The following SEMA4D variants were observed in gnomAD, a reference collection of about 807,000 sequenced individuals.
SEMA4D encodes the protein semaphorin 4D.
In SEMA4D, 22 loss-of-function variants were observed where a neutral mutation model predicts 74.8. That is an observed-to-expected ratio of 0.29 (90% confidence interval 0.21 to 0.42). The LOEUF is 0.42. Among genes scored for constraint, SEMA4D ranks in the 10% least tolerant of loss-of-function variants. The pLI, the probability that SEMA4D is intolerant of heterozygous loss-of-function variation, is 1.00. For missense variants in SEMA4D, 937 were observed against 1,118.4 expected (o/e 0.84, Z 2.31); for synonymous variants, 445 against 463.7 (o/e 0.96, Z 0.52).
In SEMA4D at chr9:89,379,219, A is replaced by C. The variant is rs1333799095; in HGVS notation, c.2074T>G (p.Ser692Ala). The C allele has an allele frequency of 6.2e-7, 1 of 1,613,758 alleles. No homozygotes were observed. The highest frequency in any genetic ancestry group is 1.3e-5 in the African/African-American group (1 of 74,856). The change falls in exon 16 of 16, where the codon TCC becomes GCC. Residue 692 changes from serine to alanine, a missense_variant. Transcript: ENST00000422704. ...PPTPAVQATS[S>A]GAITLPPKPA... ...TTGGGAGGAAGGGTGATGGCCCCGG[A>C]GGAGGTGGCCTGCACGGCTGGGGTT...
intron 2 of SEMA4D, among the ~76,000 whole-genome samples, chr9:89,442,199 G>A (rs569222222): frequency 6.9e-4 from 99 of 143,402 alleles, no homozygotes; most frequent in African/African-American, 2.5e-3. Flanking sequence ...GTACGGCCCA[G>A]GTCAAGGTCA....
chr9:89,484,748 G>C lies in SEMA4D; in HGVS notation c.-310+13171C>G, dbSNP rs1030547119. ...TGTGTTATGTGTGTGTGGTGTGGCA[G>C]GTATGTGTGAAGTGTGTGGTATGGG... On this transcript the variant is annotated intron_variant, in intron 1 of 15. Coordinates refer to ENST00000422704, the MANE Select transcript of SEMA4D (RefSeq NM_001371194.2). This position sits in a 1 kb window ranked among gnomAD's most constrained non-coding sequence, Gnocchi z 4.1. Among the ~76,000 whole-genome samples the C allele has an allele frequency of 6.6e-6, 1 of 150,912 alleles. No individual in the cohort carries two copies. Among genetic ancestry groups the C allele is most frequent in the Non-Finnish European group, 1.5e-5 (1 of 67,618 alleles).
intron 2 of SEMA4D, among the ~76,000 whole-genome samples, chr9:89,434,005 C>T (rs550279556): frequency 6.6e-6 from 1 of 152,338 alleles, no homozygotes; most frequent in East Asian, 1.9e-4. Flanking sequence ...TCACACATAG[C>T]ACTTGGCATG....
At position 89,388,645 on chromosome 9, in the gene SEMA4D, C is replaced by G. The variant is rs997165686; in HGVS notation, c.1098G>C (p.Arg366=). Residue 366 remains arginine, a synonymous_variant, in exon 11 of 16, where the codon CGG becomes CGC. Coordinates refer to ENST00000422704, the MANE Select transcript of SEMA4D (RefSeq NM_001371194.2). ...VRYNGPVPKP[R]PGACIDSEAR... is the part of the protein sequence containing the mutation. ...CAGTGCCCCAGCTCACCGCTCCAGG[C>G]CGCGGCTTGGGTACCGGGCCATTAT... 1 of 1,599,212 alleles carries G rather than the reference C, an allele frequency of 6.3e-7. No individual in the cohort carries two copies. Among genetic ancestry groups the G allele is most frequent in the African/African-American group, 1.3e-5 (1 of 74,500 alleles).
rs751996900 is a variant in SEMA4D at position 89,405,501 on chromosome 9, C to A, written c.-45G>T. 4.6e-5 allele frequency: 74 copies of A among 1,607,036 alleles called. 1 individual carries two copies. Among genetic ancestry groups the A allele is most frequent in the Admixed American group, 1.7e-4 (10 of 59,752 alleles). On this transcript the variant is annotated 5_prime_UTR_variant, in exon 3 of 16. Coordinates refer to ENST00000422704, the MANE Select transcript of SEMA4D (RefSeq NM_001371194.2). ...GGGCTTCAGCAGCAAAGGCTCACGG[C>A]AGCAGGTGGCCGGGCAGGTGTGCTA... is the stretch of plus-strand genomic sequence containing the variant.
At chr9:89,446,835 C>A (rs1587955920) in intron 2 of SEMA4D, among the ~76,000 whole-genome samples, 1 of 152,188 alleles carries the variant, frequency 6.6e-6, no homozygotes, top group South Asian at 2.1e-4. Flanking sequence ...CCACGCTGCA[C>A]CCAGGCCTCA....
At chr9:89,370,876 GGTGT>G (rs910827197) in intron 16 of SEMA4D, among the ~76,000 whole-genome samples, 1 of 143,492 alleles carries the variant, frequency 7.0e-6, no homozygotes, top group Non-Finnish European at 1.5e-5. Flanking sequence ...TGGCGTGTGG[GGTGT>G]GTGTCTGGGA....
chr9:89,478,761 CCTCCACCCCA>C lies in SEMA4D; in HGVS notation c.-310+19148_-310+19157del, dbSNP rs963637835. Among the ~76,000 whole-genome samples, 15 of 139,762 alleles carry C rather than the reference CCTCCACCCCA, an allele frequency of 1.1e-4. 1 individual carries two copies. Among genetic ancestry groups the C allele is most frequent in the Admixed American group, 8.6e-4 (12 of 13,980 alleles). The allele number at this position is 139,762 out of a possible 152,430, so 91.7% of individuals were successfully genotyped here. A position where few individuals can be genotyped will look rare whatever the true frequency, so the allele number is the denominator to read the frequency against. On this transcript the variant is annotated intron_variant, in intron 1 of 15. Coordinates refer to ENST00000422704, the MANE Select transcript of SEMA4D (RefSeq NM_001371194.2). Reference sequence around the variant, plus strand: ...AACCTGAGTCCTATGGCCCCCTCATCCTCCACCCCACCCCACCCCACCCCAAGGCCCTTCC... The same window carrying C: ...AACCTGAGTCCTATGGCCCCCTCATCCCCCACCCCACCCCAAGGCCCTTCC...
intron 1 of SEMA4D, among the ~76,000 whole-genome samples, chr9:89,470,497 C>T (rs989195746): frequency 2.0e-5 from 3 of 152,190 alleles, no homozygotes; most frequent in African/African-American, 7.2e-5. Flanking sequence ...GGTAAGGGTA[C>T]ACAGTGATGT....
intron 1 of SEMA4D, among the ~76,000 whole-genome samples, chr9:89,460,112 T>C (rs570162395): frequency 3.9e-5 from 6 of 152,284 alleles, no homozygotes; most frequent in South Asian, 2.1e-4. Context: ...AGTGGCACGA[T>C]GCATCCCCCG....
At chr9:89,457,207 G>A (rs943610040) in intron 1 of SEMA4D, among the ~76,000 whole-genome samples, 3 of 152,198 alleles carry the variant, frequency 2.0e-5, no homozygotes, top group African/African-American at 4.8e-5. Context: ...GGAGCAACCA[G>A]AGCCTGTGAT....
intron 2 of SEMA4D, among the ~76,000 whole-genome samples, chr9:89,422,377 G>C (rs1389098507): frequency 6.6e-6 from 1 of 152,238 alleles, no homozygotes; most frequent in East Asian, 1.9e-4. Context: ...GGGGAGGGCA[G>C]GCCACAGCAA....
intron 1 of SEMA4D, among the ~76,000 whole-genome samples, chr9:89,491,095 G>A (rs1008702711): frequency 1.3e-5 from 2 of 152,178 alleles, no homozygotes; most frequent in African/African-American, 2.4e-5. Context: ...CATAATTCAT[G>A]TCAATAAAAC....
intron 9 of SEMA4D, among the ~76,000 whole-genome samples, chr9:89,389,268 A>C (rs1015779248): frequency 2.6e-5 from 4 of 152,162 alleles, no homozygotes; most frequent in African/African-American, 9.7e-5. Flanking sequence ...GTTAACACAC[A>C]AAACAAAACG....
rs1300373221 is a variant in SEMA4D at position 89,492,287 on chromosome 9, CCCT to C, written c.-310+5629_-310+5631del. ...CAAGCTGCATGTGGCCTCCAGGATG[CCCT>C]CAGAACCCTCTGGTTATCCCCTACC... On this transcript the variant is annotated intron_variant, in intron 1 of 15. Coordinates refer to ENST00000422704, the MANE Select transcript of SEMA4D (RefSeq NM_001371194.2). The surrounding 1 kb of genome is among the most constrained non-coding windows in gnomAD (Gnocchi z 4.3). 6.6e-6 allele frequency among the ~76,000 whole-genome samples: 1 copy of C among 152,150 alleles called. No individual in the cohort carries two copies. Among genetic ancestry groups the C allele is most frequent in the Non-Finnish European group, 1.5e-5 (1 of 68,026 alleles).
intron 1 of SEMA4D, among the ~76,000 whole-genome samples, chr9:89,476,724 G>T (rs1340273973): frequency 6.6e-6 from 1 of 152,154 alleles, no homozygotes; most frequent in African/African-American, 2.4e-5. Context: ...TTCTGTGGGG[G>T]ACCCTGACCG....
In SEMA4D at chr9:89,498,099, G is replaced by A. The variant is rs1332220090; in HGVS notation, c.-490C>T. ...GGCGCGCGAGAGCGCTGAGGCCGGC[G>A]CGGGGACGGAGTGCGCGGGGCGGGC... On this transcript the variant is annotated 5_prime_UTR_variant, in exon 1 of 16. Coordinates refer to ENST00000422704, the MANE Select transcript of SEMA4D (RefSeq NM_001371194.2). 1.3e-5 allele frequency: 2 copies of A among 149,510 alleles called. No individual in the cohort carries two copies. The highest frequency in any genetic ancestry group is 3.9e-4 in the East Asian group (2 of 5,090). The allele number at this position is 149,510 out of a possible 1,614,324, so 9.3% of individuals were successfully genotyped here.
intron 2 of SEMA4D, among the ~76,000 whole-genome samples, chr9:89,420,647 G>A (rs916652075): frequency 5.3e-5 from 8 of 152,232 alleles, no homozygotes; most frequent in African/African-American, 7.2e-5. Flanking sequence ...CCTTCTGGGC[G>A]TACTCCCTAA....
chr9:89,445,796 G>A (rs1041464182), intron 2 of SEMA4D, among the ~76,000 whole-genome samples: 1 of 152,016 alleles, frequency 6.6e-6, no homozygotes. Context: ...ACTCACTCTG[G>A]GGAGGGCCAC....
Sources: allele counts gnomAD v4.1 joint callset (sites outside exome capture counted in the v4.1 genomes callset), GRCh38; gene constraint gnomAD v4.1.1; non-coding constraint Gnocchi (gnomAD v3.1); transcripts MANE v1.5; gene names NCBI Gene and HGNC (gene_info 2026-07-23, HGNC 2026-07-21).